Variants in PCDHA2 observed in about 807,000 individuals in gnomAD.
PCDHA2 encodes protocadherin alpha-2.
A neutral mutation model predicts 66.0 loss-of-function variants in PCDHA2; 58 were observed. The observed-to-expected ratio is 0.88, with a 90% CI of 0.71 to 1.09. PCDHA2 has a LOEUF of 1.09. Among genes scored for constraint, PCDHA2 ranks in the 50% least tolerant of loss-of-function variants. PCDHA2 has a pLI of 0.00. For missense variants in PCDHA2, 1,267 were observed against 1,242.3 expected, an observed-to-expected ratio of 1.02 and a Z score of -0.30; for synonymous variants, 634 against 554.0, an observed-to-expected ratio of 1.14 and a Z score of -2.03.
chr5:140,835,605 G>A, intron 1 of PCDHA2: 1 of 1,613,894 alleles, frequency 6.2e-7, no homozygotes, highest in Non-Finnish European at 8.5e-7. Context: ...CTATTCATTG[G>A]TGCTGGACAG....
chr5:140,995,606 C>G (rs532220927), intron 3 of PCDHA2, among the ~76,000 whole-genome samples: 30 of 152,102 alleles, frequency 2.0e-4, no homozygotes, highest in Non-Finnish European at 3.7e-4. Context: ...TTTTTCTTCT[C>G]CCAAACCAAA....
chr5:140,887,496 A>G (rs1351125742), intron 1 of PCDHA2, among the ~76,000 whole-genome samples: 1 of 152,072 alleles, frequency 6.6e-6, no homozygotes, highest in Non-Finnish European at 1.5e-5. Context: ...CATAGTTTCT[A>G]ATAAGATGTT....
chr5:140,923,459 G>T (rs549692824), intron 1 of PCDHA2, among the ~76,000 whole-genome samples: 6 of 152,192 alleles, frequency 3.9e-5, no homozygotes, highest in Admixed American at 3.9e-4. Flanking sequence ...GCCCAGAGAG[G>T]TAGGGGCTGC....
Position 140,857,049 on chromosome 5 carries a change from C to T in PCDHA2, c.2388+59697C>T, listed in dbSNP as rs1390810771. On this transcript the variant is annotated intron_variant, in intron 1 of 3. Coordinates refer to ENST00000526136, the MANE Select transcript of PCDHA2 (RefSeq NM_018905.3). ...AACCCACCTATGGTTGGTCACTGCA[C>T]GGTCCTAGTGGAACTACTGGATGAA... 3.1e-6 allele frequency: 5 copies of T among 1,595,184 alleles called. No homozygotes were observed. In the African/African-American group the frequency reaches 5.4e-5, roughly 17 times the overall value.
At chr5:140,858,197 A>G (rs782680459) in intron 1 of PCDHA2, 4 of 1,597,058 alleles carry the variant, frequency 2.5e-6, no homozygotes, top group Non-Finnish European at 2.6e-6. Flanking sequence ...GCTGCTGTAC[A>G]CTGCACTGAG....
At chr5:140,937,238 C>T (rs1339814732) in intron 1 of PCDHA2, among the ~76,000 whole-genome samples, 1 of 151,920 alleles carries the variant, frequency 6.6e-6, no homozygotes, top group Admixed American at 6.6e-5. Flanking sequence ...GGGGTTTCAC[C>T]GTGTTAGCCA....
Position 140,922,401 on chromosome 5 carries a change from A to T in PCDHA2, c.2389-56548A>T, listed in dbSNP as rs1290862669. On this transcript the variant is annotated intron_variant, in intron 1 of 3. Transcript: ENST00000526136. ...AACCAAAGACTCCTTGTTTTGGATT[A>T]AAAAGATCTAGGTACAGAGGCTGAG... 2.6e-5 allele frequency among the ~76,000 whole-genome samples: 4 copies of T among 152,234 alleles called. No individual in the cohort carries two copies. In the East Asian group the frequency reaches 7.7e-4, roughly 29 times the overall value.
chr5:140,834,321 A>T (rs1412819527), intron 1 of PCDHA2: 1 of 1,440,210 alleles, frequency 6.9e-7, no homozygotes, highest in Non-Finnish European at 9.4e-7. Context: ...TGAAGGGATA[A>T]AAACATTCCT....
intron 1 of PCDHA2, among the ~76,000 whole-genome samples, chr5:140,881,790 G>T (rs2058832674): frequency 6.6e-6 from 1 of 152,164 alleles, no homozygotes; most frequent in Non-Finnish European, 1.5e-5. Context: ...CCGATCAATT[G>T]TCCCAAAACG....
chr5:140,975,127 T>C (rs1331047394), intron 1 of PCDHA2, among the ~76,000 whole-genome samples: 2 of 152,288 alleles, frequency 1.3e-5, no homozygotes, highest in East Asian at 1.9e-4. Flanking sequence ...CTACTTACTA[T>C]TGGCCTGGGG....
intron 1 of PCDHA2, chr5:140,882,175 G>T: frequency 6.6e-7 from 1 of 1,515,152 alleles, no homozygotes; most frequent in Non-Finnish European, 8.8e-7. Flanking sequence ...GAATCCTTCC[G>T]CACTAGGAAG....
intron 1 of PCDHA2, chr5:140,830,232 C>A (rs2150183147): frequency 1.2e-6 from 2 of 1,613,928 alleles, no homozygotes; most frequent in East Asian, 2.2e-5. Context: ...CTGGTCCTCA[C>A]GCTACTGCTG....
intron 1 of PCDHA2, among the ~76,000 whole-genome samples, chr5:140,948,500 T>C (rs1482428616): frequency 6.6e-6 from 1 of 151,662 alleles, no homozygotes; most frequent in Non-Finnish European, 1.5e-5. Context: ...TCATAGACTT[T>C]CTATTAAAAA....
chr5:140,916,142 T>C (rs868910993), intron 1 of PCDHA2, among the ~76,000 whole-genome samples: 2 of 151,944 alleles, frequency 1.3e-5, no homozygotes, highest in African/African-American at 4.8e-5. Context: ...GGCTGTTCAG[T>C]TGTGTTGTGG....
intron 1 of PCDHA2, chr5:140,829,130 G>A (rs2150162751): frequency 2.5e-6 from 4 of 1,612,556 alleles, no homozygotes; most frequent in Non-Finnish European, 3.4e-6. Flanking sequence ...AAATGATAAC[G>A]TCCCTGAGAT....
chr5:140,857,484 G>C (rs1044921765), intron 1 of PCDHA2: 1 of 1,598,418 alleles, frequency 6.3e-7, no homozygotes, highest in African/African-American at 1.3e-5. Flanking sequence ...GTGTCTGCGT[G>C]GGACGCGGAC....
chr5:140,939,733 C>T (rs1433987863), intron 1 of PCDHA2, among the ~76,000 whole-genome samples: 2 of 152,162 alleles, frequency 1.3e-5, no homozygotes, highest in Non-Finnish European at 2.9e-5. Flanking sequence ...TTGTGTGTAG[C>T]TGTGTATCAT....
intron 1 of PCDHA2, among the ~76,000 whole-genome samples, chr5:140,887,546 T>C (rs1554183101): frequency 1.3e-5 from 2 of 152,114 alleles, no homozygotes; most frequent in Non-Finnish European, 2.9e-5. Flanking sequence ...CCACCCCTCA[T>C]GGTTACTGTT....
At chr5:140,915,826 T>G (rs1432367192) in intron 1 of PCDHA2, among the ~76,000 whole-genome samples, 1 of 152,134 alleles carries the variant, frequency 6.6e-6, no homozygotes, top group Non-Finnish European at 1.5e-5. Context: ...GCCCTAGGGC[T>G]CTAAGATCAG....
Sources: gnomAD v4.1 joint callset for allele counts (sites outside exome capture counted in the v4.1 genomes callset) on GRCh38, gnomAD v4.1.1 for gene constraint, MANE v1.5 for transcripts, NCBI Gene and HGNC (gene_info 2026-07-23, HGNC 2026-07-21) for gene names.